The following ENOX1 variants were observed in gnomAD, a reference collection of about 807,000 sequenced individuals.
ENOX1 encodes ecto-NOX disulfide-thiol exchanger 1, also known as candidate growth-related and time keeping constitutive hydroquinone (NADH) oxidase.
A neutral mutation model predicts 82.5 loss-of-function variants in ENOX1; 42 were observed. That is an observed-to-expected ratio of 0.51 (90% CI 0.40 to 0.66). The LOEUF (loss-of-function observed/expected upper bound fraction) is 0.66, where lower values mean the gene tolerates loss of function less well. ENOX1 is among the 30% of genes least tolerant of loss of function. The pLI, the probability that ENOX1 is intolerant of heterozygous loss-of-function variation, is 0.00. For synonymous variants in ENOX1, 271 were observed against 282.2 expected (o/e 0.96, Z 0.40); for missense variants, 608 against 811.6 (o/e 0.75, Z 3.05).
At chr13:43,434,469 G>A (rs370411403) in intron 3 of ENOX1, among the ~76,000 whole-genome samples, 24 of 152,082 alleles carry the variant, frequency 1.6e-4, no homozygotes, top group South Asian at 1.0e-3. Context: ...CTCTTTTTAG[G>A]CTCATATAAA....
At chr13:43,413,647 AC>A (rs1367353020) in intron 3 of ENOX1, among the ~76,000 whole-genome samples, 1 of 148,592 alleles carries the variant, frequency 6.7e-6, no homozygotes, top group Non-Finnish European at 1.5e-5. Context: ...ACTGGCCACA[AC>A]TTTTTGGTTT....
intron 3 of ENOX1, among the ~76,000 whole-genome samples, chr13:43,439,308 C>A (rs1013339331): frequency 1.3e-5 from 2 of 151,756 alleles, no homozygotes; most frequent in Admixed American, 6.6e-5. Flanking sequence ...TCTTGGCTCA[C>A]TGCAACCTCT....
intron 1 of ENOX1, among the ~76,000 whole-genome samples, chr13:43,761,871 C>CAATAA (rs1178820324): frequency 2.4e-4 from 36 of 152,178 alleles, no homozygotes; most frequent in African/African-American, 8.4e-4. Context: ...CAATAAAAAA[C>CAATAA]AATAAAATAA....
chr13:43,349,618 G>A (rs945024255), intron 8 of ENOX1, among the ~76,000 whole-genome samples: 4 of 152,202 alleles, frequency 2.6e-5, no homozygotes, highest in African/African-American at 9.7e-5. Context: ...GCCTTTGTGA[G>A]CTTGTTAAAA....
chr13:43,426,485 CT>C (rs988403282), intron 3 of ENOX1, among the ~76,000 whole-genome samples: 11 of 151,976 alleles, frequency 7.2e-5, no homozygotes, highest in African/African-American at 2.4e-4. Flanking sequence ...AGCATTATTA[CT>C]TTTTTTTCGT....
intron 1 of ENOX1, among the ~76,000 whole-genome samples, chr13:43,761,159 C>T (rs553050422): frequency 6.6e-6 from 1 of 152,098 alleles, no homozygotes; most frequent in South Asian, 2.1e-4. Context: ...GGAAACAATG[C>T]TCCCGGAGCA....
chr13:43,421,235 C>T (rs2054954628), intron 3 of ENOX1, among the ~76,000 whole-genome samples: 1 of 152,142 alleles, frequency 6.6e-6, no homozygotes, highest in Non-Finnish European at 1.5e-5. Flanking sequence ...TATACAGATG[C>T]TCCTCAATTT....
chr13:43,415,400 C>T (rs575467555), intron 3 of ENOX1, among the ~76,000 whole-genome samples: 6 of 151,916 alleles, frequency 3.9e-5, no homozygotes, highest in African/African-American at 7.2e-5. Flanking sequence ...TGCGGCCTTC[C>T]GCAGTGTTTG....
chr13:43,616,832 G>A (rs1394132624), intron 2 of ENOX1, among the ~76,000 whole-genome samples: 2 of 151,868 alleles, frequency 1.3e-5, no homozygotes, highest in East Asian at 3.9e-4. Context: ...TGTTCCTCAG[G>A]AATTTTTGTT....
intron 11 of ENOX1, among the ~76,000 whole-genome samples, chr13:43,320,346 T>A (rs890167219): frequency 1.3e-5 from 2 of 152,214 alleles, no homozygotes; most frequent in African/African-American, 4.8e-5. Flanking sequence ...CAACATGCCC[T>A]GCACTTTGCT....
At chr13:43,541,171 C>CTCTTTTTTTTTTTTTTT (rs1555317884) in intron 2 of ENOX1, among the ~76,000 whole-genome samples, 1 of 38,734 alleles carries the variant, frequency 2.6e-5, no homozygotes, top group Non-Finnish European at 6.1e-5. Context: ...CTTCTTCCCT[C>CTCTTTTTTTTTTTTTTT]TGTTTTTTTT....
chr13:43,487,840 GA>G (rs540462844), intron 2 of ENOX1, among the ~76,000 whole-genome samples: 70 of 152,152 alleles, frequency 4.6e-4, no homozygotes, highest in Non-Finnish European at 9.0e-4. Context: ...TAATTCCCTA[GA>G]AGCAATAAAA....
At position 43,423,305 on chromosome 13, in the gene ENOX1, C is replaced by T. The variant is rs534996573; in HGVS notation, c.-74-10317G>A. The stretch of plus-strand genomic sequence containing the variant: ...AGACCATAAAAAAAAAAGTGATCAC[C>T]GCTAGACTTTGCTGGTGAGTAAATT... On this transcript the variant is annotated intron_variant, in intron 3 of 16. Transcript: ENST00000690772. Among the ~76,000 whole-genome samples, 91 of 152,144 alleles carry T rather than the reference C, an allele frequency of 6.0e-4. 1 individual carries two copies. Among genetic ancestry groups the T allele is most frequent in the Non-Finnish European group, 1.2e-3 (79 of 68,010 alleles).
At chr13:43,737,664 C>G (rs1489750590) in intron 1 of ENOX1, among the ~76,000 whole-genome samples, 1 of 152,126 alleles carries the variant, frequency 6.6e-6, no homozygotes, top group African/African-American at 2.4e-5. Flanking sequence ...ATAATATATT[C>G]ACAACTAGGA....
intron 1 of ENOX1, among the ~76,000 whole-genome samples, chr13:43,689,206 C>G (rs2086225076): frequency 6.6e-6 from 1 of 151,762 alleles, no homozygotes; most frequent in Non-Finnish European, 1.5e-5. Context: ...TGGTGAACAG[C>G]TACCAGGATC....
intron 15 of ENOX1, among the ~76,000 whole-genome samples, chr13:43,234,947 A>ATT (rs1449523049): frequency 4.6e-5 from 7 of 152,130 alleles, no homozygotes; most frequent in African/African-American, 1.4e-4. Context: ...AAAAATAGAG[A>ATT]CTGGTTCCCA....
intron 11 of ENOX1, among the ~76,000 whole-genome samples, chr13:43,305,648 G>A (rs892043329): frequency 1.3e-5 from 2 of 152,134 alleles, no homozygotes; most frequent in Non-Finnish European, 2.9e-5. Flanking sequence ...GTGCTGCTGG[G>A]CTGCTGCCAC....
chr13:43,470,159 G>A lies in ENOX1; in HGVS notation c.-75+13850C>T, dbSNP rs375262474. Among the ~76,000 whole-genome samples the A allele has an allele frequency of 1.8e-4, 26 of 148,416 alleles. No homozygotes were observed. In the South Asian group the frequency reaches 5.3e-3, roughly 30 times the overall value. On this transcript the variant is annotated intron_variant, in intron 3 of 16. Transcript: ENST00000690772. ...AATCTAAACATAAAAAGCTACAACT[G>A]TACTATAAAGTTTTCAAACTATATG...
chr13:43,438,356 G>A (rs1033275036), intron 3 of ENOX1, among the ~76,000 whole-genome samples: 1 of 152,094 alleles, frequency 6.6e-6, no homozygotes, highest in South Asian at 2.1e-4. Context: ...TGAAGAGAGG[G>A]AACAGATTTA....
Sources: allele counts gnomAD v4.1 joint callset (sites outside exome capture counted in the v4.1 genomes callset), GRCh38; gene constraint gnomAD v4.1.1; transcripts MANE v1.5; gene names NCBI Gene and HGNC (gene_info 2026-07-23, HGNC 2026-07-21).